The following DNAAF11 variants were observed in gnomAD, a reference collection of about 807,000 sequenced individuals.
DNAAF11 encodes leucine rich repeat containing 6.
In DNAAF11, 45 loss-of-function variants were observed where a neutral mutation model predicts 60.8. The observed-to-expected ratio is 0.74, with a 90% CI of 0.58 to 0.95. The LOEUF (loss-of-function observed/expected upper bound fraction) is 0.95, where lower values mean the gene tolerates loss of function less well. Ranked by LOEUF, DNAAF11 falls within the 40% of genes least tolerant of loss-of-function variation. The pLI, the probability that DNAAF11 is intolerant of heterozygous loss-of-function variation, is 0.00. For missense variants in DNAAF11, 546 were observed against 546.2 expected, an observed-to-expected ratio of 1.00 and a Z score of 0.00; for synonymous variants, 191 against 183.5, an observed-to-expected ratio of 1.04 and a Z score of -0.33.
intron 10 of DNAAF11, among the ~76,000 whole-genome samples, chr8:132,604,499 A>G (rs1440120546): frequency 6.6e-6 from 1 of 152,184 alleles, no homozygotes; most frequent in African/African-American, 2.4e-5. Flanking sequence ...CATGAAGCAT[A>G]TTCTTGGAGT....
intron 3 of DNAAF11, among the ~76,000 whole-genome samples, chr8:132,644,146 T>C (rs1468511752): frequency 6.6e-6 from 1 of 152,210 alleles, no homozygotes; most frequent in Non-Finnish European, 1.5e-5. Flanking sequence ...CCTTTCAGCA[T>C]GCAGTCTGTC....
chr8:132,603,734 G>T (rs1459114963), intron 10 of DNAAF11, among the ~76,000 whole-genome samples: 1 of 151,946 alleles, frequency 6.6e-6, no homozygotes, highest in African/African-American at 2.4e-5. Flanking sequence ...AATAGAGGGG[G>T]ATGTTTTTAT....
intron 1 of DNAAF11, among the ~76,000 whole-genome samples, chr8:132,674,154 GAGGAGAAGGAGA>G (rs376673196): frequency 7.9e-6 from 1 of 126,292 alleles, no homozygotes; most frequent in African/African-American, 3.5e-5. Context: ...GGAAGAGGAG[GAGGAGAAGGAGA>G]AGGAGGAGGA....
intron 2 of DNAAF11, among the ~76,000 whole-genome samples, chr8:132,658,819 G>A (rs948146648): frequency 1.3e-5 from 2 of 152,074 alleles, no homozygotes; most frequent in Non-Finnish European, 2.9e-5. Context: ...TTTGCTCAGG[G>A]ACGGTTTCCT....
At chr8:132,615,158 C>T in intron 7 of DNAAF11, 61 bp from the exon 8 acceptor site, 1 of 963,998 alleles carries the variant, frequency 1.0e-6, no homozygotes, top group South Asian at 1.5e-5. Context: ...ATAGAAAACC[C>T]CATCATAAAT....
At chr8:132,643,762 T>G in intron 3 of DNAAF11, 2 of 455,154 alleles carry the variant, frequency 4.4e-6, no homozygotes, top group South Asian at 1.6e-5. Flanking sequence ...TAATATTGAG[T>G]GCATTCGTTA....
At chr8:132,669,070 G>C (rs942763356) in intron 1 of DNAAF11, among the ~76,000 whole-genome samples, 18 of 152,306 alleles carry the variant, frequency 1.2e-4, no homozygotes, top group South Asian at 4.1e-4. Flanking sequence ...TCCAAGTTTA[G>C]ATCTCCTGGT....
At chr8:132,575,544 C>T (rs1185469370) in intron 11 of DNAAF11, among the ~76,000 whole-genome samples, 3 of 152,124 alleles carry the variant, frequency 2.0e-5, no homozygotes, top group African/African-American at 7.2e-5. Context: ...GGCTACTTTG[C>T]ACCAGCGTGG....
chr8:132,586,145 CG>C (rs1418375630), intron 10 of DNAAF11, among the ~76,000 whole-genome samples: 1 of 151,990 alleles, frequency 6.6e-6, no homozygotes, highest in South Asian at 2.1e-4. Context: ...AGAGAGAGAA[CG>C]GGGGGAAGGG....
At chr8:132,628,326 C>T (rs900357017) in intron 5 of DNAAF11, among the ~76,000 whole-genome samples, 2 of 152,042 alleles carry the variant, frequency 1.3e-5, no homozygotes, top group African/African-American at 2.4e-5. Context: ...GCAAAAGAAT[C>T]GCTTGAACCC....
chr8:132,611,095 T>C (rs780633894), intron 9 of DNAAF11, among the ~76,000 whole-genome samples, 199 bp downstream of exon 9: 12 of 152,124 alleles, frequency 7.9e-5, no homozygotes, highest in Non-Finnish European at 1.8e-4. Flanking sequence ...TATTTCACCA[T>C]GTTGCCCAGA....
At chr8:132,648,663 G>C (rs940426941) in intron 3 of DNAAF11, among the ~76,000 whole-genome samples, 7 of 152,112 alleles carry the variant, frequency 4.6e-5, no homozygotes, top group South Asian at 2.1e-4. Context: ...TCAGCAAAGT[G>C]TCAGGATAAA....
chr8:132,678,531 C>T (rs1193516846), upstream of DNAAF11, among the ~76,000 whole-genome samples: 1 of 151,932 alleles, frequency 6.6e-6, no homozygotes, highest in African/African-American at 2.4e-5. Flanking sequence ...GTGTGTGCAC[C>T]ATCATGCCTG....
At chr8:132,690,050 G>A in the DNAAF11 span, among the ~76,000 whole-genome samples, 1 of 152,196 alleles carries the variant, frequency 6.6e-6, no homozygotes, top group South Asian at 2.1e-4. Flanking sequence ...GCATTAGTTT[G>A]AGTTATGTTA....
At chr8:132,608,887 T>C (rs1586567084) in intron 10 of DNAAF11, among the ~76,000 whole-genome samples, 1 of 152,324 alleles carries the variant, frequency 6.6e-6, no homozygotes, top group East Asian at 1.9e-4. Flanking sequence ...AAATACATAA[T>C]TGAGTACCTA....
At chr8:132,586,845 G>T (rs1368204362) in intron 10 of DNAAF11, among the ~76,000 whole-genome samples, 3 of 151,980 alleles carry the variant, frequency 2.0e-5, no homozygotes, top group African/African-American at 7.3e-5. Flanking sequence ...CCCTTTCCAG[G>T]TGTTGACCCC....
At chr8:132,616,615 T>C (rs966544146) in intron 7 of DNAAF11, among the ~76,000 whole-genome samples, 3 of 152,184 alleles carry the variant, frequency 2.0e-5, no homozygotes, top group Non-Finnish European at 4.4e-5. Context: ...CACACGATGC[T>C]GGAGAGTGTT....
intron 7 of DNAAF11, among the ~76,000 whole-genome samples, chr8:132,621,304 G>C (rs1453047713): frequency 1.3e-5 from 2 of 152,146 alleles, no homozygotes; most frequent in African/African-American, 4.8e-5. Context: ...AAGCTCCAGA[G>C]GGCACAGGGG....
the DNAAF11 span, among the ~76,000 whole-genome samples, chr8:132,684,751 T>C: frequency 6.6e-6 from 1 of 152,238 alleles, no homozygotes; most frequent in African/African-American, 2.4e-5. Flanking sequence ...ATTTCCATAA[T>C]TCATGTGAGC....
Sources: allele counts gnomAD v4.1 joint callset (sites outside exome capture counted in the v4.1 genomes callset), GRCh38; gene constraint gnomAD v4.1.1; transcripts MANE v1.5; gene names NCBI Gene and HGNC (gene_info 2026-07-23, HGNC 2026-07-21).